The following ADAMTS6 variants were observed in gnomAD, a reference collection of about 807,000 sequenced individuals.
ADAMTS6 encodes ADAM metallopeptidase with thrombospondin type 1 motif 6, also known as A disintegrin and metalloproteinase with thrombospondin motifs 6.
A neutral mutation model predicts 144.3 loss-of-function variants in ADAMTS6; 23 were observed. The observed-to-expected ratio is 0.16, with a 90% CI of 0.11 to 0.23. The LOEUF (loss-of-function observed/expected upper bound fraction) is 0.23, where lower values mean the gene tolerates loss of function less well. Ranked by LOEUF, ADAMTS6 falls within the 10% of genes least tolerant of loss-of-function variation. The pLI is 1.00. For synonymous variants in ADAMTS6, 444 were observed against 457.5 expected, an observed-to-expected ratio of 0.97 and a Z score of 0.38; for missense variants, 999 against 1,379.6, an observed-to-expected ratio of 0.72 and a Z score of 4.37.
rs1027250994 is a variant in ADAMTS6 at position 65,265,816 on chromosome 5, T to C, written c.1621-2854A>G. On this transcript the variant is annotated intron_variant, in intron 12 of 24. Transcript: ENST00000381055. Reference sequence around the variant, plus strand: ...ATGAGGACACCAGAACCTAAAGGAATTGACTTGCCCAAGATCACATACTAG... The same window carrying C: ...ATGAGGACACCAGAACCTAAAGGAACTGACTTGCCCAAGATCACATACTAG... 1.3e-5 allele frequency among the ~76,000 whole-genome samples: 2 copies of C among 151,942 alleles called. 1 individual carries two copies. The highest frequency in any genetic ancestry group is 4.8e-5 in the African/African-American group (2 of 41,438).
At chr5:65,368,942 G>A (rs1750563675) in intron 7 of ADAMTS6, among the ~76,000 whole-genome samples, 1 of 152,200 alleles carries the variant, frequency 6.6e-6, no homozygotes, top group Non-Finnish European at 1.5e-5. Flanking sequence ...TGTAGTCCCA[G>A]CTACTTGGGA....
rs989807876 is a variant in ADAMTS6 at position 65,215,404 on chromosome 5, C to T, written c.2356G>A (p.Ala786Thr). 6.2e-7 allele frequency: 1 copy of T among 1,613,928 alleles called. No homozygotes were observed. The highest frequency in any genetic ancestry group is 8.5e-7 in the Non-Finnish European group (1 of 1,179,932). ...TCAGTTGGTCTCTTGTAATGAAAAG[C>T]TGTCCCAGCAACATCAAATTTCCTA... ...WPRKFDVAGT[A>T]FHYKRPTDEP... The change falls in exon 19 of 25, where the codon GCT (alanine) becomes ACT (threonine). Residue 786 changes from alanine (A) to threonine (T), a missense_variant. Ala to Thr is a moderately conservative substitution (Grantham distance 58). Coordinates refer to ENST00000381055, the MANE Select transcript of ADAMTS6 (RefSeq NM_197941.4).
intron 14 of ADAMTS6, among the ~76,000 whole-genome samples, chr5:65,258,136 T>C (rs1760851298): frequency 6.6e-6 from 1 of 150,836 alleles, no homozygotes; most frequent in African/African-American, 2.4e-5. Context: ...GAAAATAGAG[T>C]AGGGTAAGGA....
rs1352842779 is a variant in ADAMTS6, at chr5:65,291,244, C to A, written c.1512+85G>T. On this transcript the variant is annotated intron_variant, in intron 11 of 24. Transcript: ENST00000381055. Reference sequence around the variant, plus strand: ...AATTAAAGATATTACTAGAGGGAACCGACATTCATCGTAATTCCATCTTAA... The same window carrying A: ...AATTAAAGATATTACTAGAGGGAACAGACATTCATCGTAATTCCATCTTAA... The A allele has an allele frequency of 3.4e-6, 5 of 1,469,524 alleles. No individual in the cohort carries two copies. The East Asian group carries it at 9.4e-5, about 28-fold the overall frequency. 91.0% of individuals were successfully genotyped at this position (1,469,524 alleles called of 1,614,324 possible). A position where few individuals can be genotyped will look rare whatever the true frequency, so the allele number is the denominator to read the frequency against.
At chr5:65,200,474 T>G (rs1177058588) in intron 20 of ADAMTS6, among the ~76,000 whole-genome samples, 1 of 152,180 alleles carries the variant, frequency 6.6e-6, no homozygotes, top group East Asian at 1.9e-4. Context: ...TTAAACCCGG[T>G]TGGGAATAAT....
intron 23 of ADAMTS6, among the ~76,000 whole-genome samples, chr5:65,171,226 G>T (rs1023815825): frequency 3.3e-5 from 5 of 151,782 alleles, no homozygotes; most frequent in African/African-American, 1.2e-4. Context: ...AGCCAGCATG[G>T]TCTCAATCTC....
intron 1 of ADAMTS6, among the ~76,000 whole-genome samples, chr5:65,475,912 GTA>G (rs1760810979): frequency 6.6e-6 from 1 of 152,166 alleles, no homozygotes; most frequent in South Asian, 2.1e-4. Context: ...CTGTGGCAGT[GTA>G]GACTCTGATG....
At chr5:65,197,272 C>A in intron 20 of ADAMTS6, 121 bp from the exon 21 acceptor site, 1 of 875,296 alleles carries the variant, frequency 1.1e-6, no homozygotes, top group Non-Finnish European at 1.6e-6. Flanking sequence ...ATCTGTTCCA[C>A]ATTGGACTGC....
chr5:65,167,587 G>A (rs1300151032), intron 24 of ADAMTS6, among the ~76,000 whole-genome samples: 45 of 135,640 alleles, frequency 3.3e-4, no homozygotes, highest in Admixed American at 2.6e-3. Flanking sequence ...CCAAAAAAGA[G>A]AATTTTAGAC....
chr5:65,223,032 A>G (rs551283482), intron 18 of ADAMTS6, among the ~76,000 whole-genome samples: 1 of 151,968 alleles, frequency 6.6e-6, no homozygotes, highest in African/African-American at 2.4e-5. Flanking sequence ...ATTTGTGTAG[A>G]CACTTCACTA....
At chr5:65,155,593 T>C (rs1752366243) in intron 24 of ADAMTS6, among the ~76,000 whole-genome samples, 1 of 152,220 alleles carries the variant, frequency 6.6e-6, no homozygotes, top group African/African-American at 2.4e-5. Flanking sequence ...AACATCATTA[T>C]ACAGTCCATG....
chr5:65,470,831 A>C lies in ADAMTS6; in HGVS notation c.409T>G (p.Leu137Val), dbSNP rs779057315. 61 of 1,609,586 alleles carry C rather than the reference A, an allele frequency of 3.8e-5. No homozygotes were observed. The South Asian group carries it at 6.7e-4, about 18-fold the overall frequency. Residue 137 changes from leucine (L) to valine (V), a missense_variant, in exon 3 of 25, where the codon TTG becomes GTG. By Grantham distance (32) the Leu-to-Val change is conservative. Transcript: ENST00000381055. ...FLDNCHYTGY[L>V]QDQRSTTKVA... is the part of the protein sequence containing the mutation. ...TTAGTTGTACTACGTTGATCTTGCA[A>C]ATATCCTGTGTAATGACAGTTGTCT...
intron 2 of ADAMTS6, among the ~76,000 whole-genome samples, chr5:65,471,499 C>T (rs1275765895): frequency 6.6e-6 from 1 of 152,050 alleles, no homozygotes; most frequent in Admixed American, 6.5e-5. Context: ...AGCTCAGAAT[C>T]TGTTTTTGAA....
chr5:65,382,403 T>C (rs1051159700), intron 7 of ADAMTS6, among the ~76,000 whole-genome samples: 1 of 152,200 alleles, frequency 6.6e-6, no homozygotes, highest in Non-Finnish European at 1.5e-5. Flanking sequence ...ATACAAGTAA[T>C]TGAACAAGTT....
In ADAMTS6 at chr5:65,224,310, T is replaced by C. The variant is rs774694367; in HGVS notation, c.2272+10A>G. 4 of 1,611,944 alleles carry C rather than the reference T, an allele frequency of 2.5e-6. No homozygotes were observed. Among genetic ancestry groups the C allele is most frequent in the East Asian group, 2.2e-5 (1 of 44,846 alleles). On this transcript the variant is annotated intron_variant, in intron 18 of 24. Transcript: ENST00000381055. ...AAAATCCAGCAAACTAGCATACCAG[T>C]CTAACATACCAATATAGTTCTTTGA...
chr5:65,196,522 CAAAA>C (rs533444182), intron 21 of ADAMTS6, among the ~76,000 whole-genome samples: 8 of 38,030 alleles, frequency 2.1e-4, no homozygotes, highest in Non-Finnish European at 3.1e-4. Flanking sequence ...GACTCCGTCT[CAAAA>C]AAAAAAAAAA....
intron 7 of ADAMTS6, among the ~76,000 whole-genome samples, chr5:65,447,118 C>T (rs757080932): frequency 2.6e-5 from 4 of 152,070 alleles, no homozygotes; most frequent in African/African-American, 9.7e-5. Context: ...TTAGTCTGTT[C>T]GTGCTAATTG....
intron 16 of ADAMTS6, 127 bp from the exon 17 acceptor site, chr5:65,225,174 G>A: frequency 1.8e-6 from 2 of 1,099,666 alleles, no homozygotes; most frequent in Admixed American, 3.1e-5. Flanking sequence ...GGTAATCCGT[G>A]AATAAAAACC....
In ADAMTS6 at chr5:65,170,725, G is replaced by A; in HGVS notation, c.3136C>T (p.Leu1046Phe). 16 of 1,614,162 alleles carry A rather than the reference G, an allele frequency of 9.9e-6. No homozygotes were observed. Among genetic ancestry groups the A allele is most frequent in the Non-Finnish European group, 1.4e-5 (16 of 1,180,036 alleles). The part of the protein sequence containing the change: ...LGQQMRTVQC[L>F]SYTGQASSDC... Reference sequence around the variant, plus strand: ...CTAGATGCCTGTCCGGTGTAGGAGAGACACTGCACAGTTCTCATCTGCTGT... The same window carrying A: ...CTAGATGCCTGTCCGGTGTAGGAGAAACACTGCACAGTTCTCATCTGCTGT... The change falls in exon 24 of 25, where the codon CTC becomes TTC. Residue 1046 changes from leucine (L) to phenylalanine (F), a missense_variant. Physicochemically the swap from Leu to Phe is conservative, Grantham distance 22. This residue lies in a region of ADAMTS6 where 619 missense variants were observed against 837.0 expected (regional missense o/e 0.74). Coordinates refer to ENST00000381055, the MANE Select transcript of ADAMTS6 (RefSeq NM_197941.4).
Sources: gnomAD v4.1 joint callset for allele counts (sites outside exome capture counted in the v4.1 genomes callset) on GRCh38, gnomAD v4.1.1 for gene constraint, gnomAD v4.1.1 regional missense constraint, MANE v1.5 for transcripts, NCBI Gene and HGNC (gene_info 2026-07-23, HGNC 2026-07-21) for gene names.